The following SLC44A5 variants were observed in gnomAD, a reference collection of about 807,000 sequenced individuals.
SLC44A5 encodes solute carrier family 44 member 5.
A neutral mutation model predicts 101.8 loss-of-function variants in SLC44A5; 57 were observed. The ratio of observed to expected loss-of-function variants is 0.56; its 90% CI spans 0.45 to 0.70. SLC44A5 has a LOEUF of 0.70. Ranked by LOEUF, SLC44A5 falls within the 30% of genes least tolerant of loss-of-function variation. The pLI, the probability that SLC44A5 is intolerant of heterozygous loss-of-function variation, is 0.00. For synonymous variants in SLC44A5, 281 were observed against 290.9 expected (o/e 0.97, Z 0.35); for missense variants, 737 against 853.1 (o/e 0.86, Z 1.70).
chr1:75,318,672 C>T (rs899734918), intron 4 of SLC44A5, among the ~76,000 whole-genome samples: 3 of 152,150 alleles, frequency 2.0e-5, no homozygotes, highest in Non-Finnish European at 4.4e-5. Context: ...GCCAGGTTAA[C>T]TTACATTGTC....
At chr1:75,664,945 A>AAT in the SLC44A5 span, among the ~76,000 whole-genome samples, 3 of 148,178 alleles carry the variant, frequency 2.0e-5, no homozygotes, top group South Asian at 6.3e-4. Flanking sequence ...AAAAAAAAAA[A>AAT]GAAATCACAG....
chr1:75,700,240 G>A, the SLC44A5 span, among the ~76,000 whole-genome samples: 1 of 152,050 alleles, frequency 6.6e-6, no homozygotes, highest in Non-Finnish European at 1.5e-5. Context: ...TTCCAAAATT[G>A]ACCACATACT....
intron 7 of SLC44A5, among the ~76,000 whole-genome samples, chr1:75,246,561 T>C (rs1276672587): frequency 1.3e-5 from 2 of 151,508 alleles, no homozygotes; most frequent in Non-Finnish European, 3.0e-5. Context: ...TAAGAAATAA[T>C]AAATAAGTAA....
chr1:75,245,810 C>G (rs1004111953), intron 7 of SLC44A5, among the ~76,000 whole-genome samples: 2 of 152,132 alleles, frequency 1.3e-5, no homozygotes, highest in Non-Finnish European at 2.9e-5. Context: ...TACTTTCTCC[C>G]TCTATCAGAC....
chr1:75,474,967 C>G (rs989134362), intron 2 of SLC44A5, among the ~76,000 whole-genome samples: 1 of 152,246 alleles, frequency 6.6e-6, no homozygotes, highest in South Asian at 2.1e-4. Context: ...AGAGCAGCAA[C>G]AATTCAACTG....
At chr1:75,315,182 T>A (rs1655599135) in intron 4 of SLC44A5, among the ~76,000 whole-genome samples, 2 of 152,264 alleles carry the variant, frequency 1.3e-5, no homozygotes, top group South Asian at 4.1e-4. Context: ...TTTATGTGTG[T>A]TTTAAAAAGA....
At chr1:75,556,608 G>A (rs1197416980) in intron 1 of SLC44A5, among the ~76,000 whole-genome samples, 2 of 152,042 alleles carry the variant, frequency 1.3e-5, no homozygotes, top group Non-Finnish European at 2.9e-5. Context: ...AGGAAACTGA[G>A]GACATAGAGT....
chr1:75,639,613 C>T, the SLC44A5 span, among the ~76,000 whole-genome samples: 1 of 152,112 alleles, frequency 6.6e-6, no homozygotes, highest in Admixed American at 6.6e-5. Flanking sequence ...TGCTCACTTC[C>T]CCAGTGCATG....
chr1:75,559,131 C>A (rs1672377852), intron 1 of SLC44A5, among the ~76,000 whole-genome samples: 3 of 151,738 alleles, frequency 2.0e-5, no homozygotes, highest in Admixed American at 1.3e-4. Flanking sequence ...GTTTGTATAT[C>A]TATATATACA....
intron 9 of SLC44A5, among the ~76,000 whole-genome samples, chr1:75,239,576 C>G (rs1234192772): frequency 6.6e-6 from 1 of 152,026 alleles, no homozygotes; most frequent in Non-Finnish European, 1.5e-5. Flanking sequence ...CTCTGCTGCA[C>G]TTAGGACGTG....
intron 7 of SLC44A5, among the ~76,000 whole-genome samples, chr1:75,247,675 G>A (rs1198060099): frequency 6.6e-6 from 1 of 152,070 alleles, no homozygotes; most frequent in East Asian, 1.9e-4. Context: ...AGAGAGTTGG[G>A]AGGAAATATA....
At chr1:75,335,243 C>T (rs1249659) in intron 4 of SLC44A5, among the ~76,000 whole-genome samples, 80,224 of 152,040 alleles carry the variant, frequency 0.53, 22,774 homozygotes, top group East Asian at 0.85. Flanking sequence ...AATATTGATT[C>T]TGTCATGCCC....
the SLC44A5 span, among the ~76,000 whole-genome samples, chr1:75,650,677 C>G: frequency 6.6e-6 from 1 of 152,222 alleles, no homozygotes; most frequent in Non-Finnish European, 1.5e-5. Context: ...GGCTGGAGTG[C>G]AGTGACACAA....
At chr1:75,701,341 G>A in the SLC44A5 span, among the ~76,000 whole-genome samples, 38 of 152,302 alleles carry the variant, frequency 2.5e-4, no homozygotes, top group African/African-American at 8.4e-4. Context: ...GGGATGTGAG[G>A]CTGGTTCAAC....
chr1:75,432,920 C>T (rs994983115), intron 2 of SLC44A5, among the ~76,000 whole-genome samples: 105 of 152,088 alleles, frequency 6.9e-4, no homozygotes, highest in Non-Finnish European at 1.3e-3. Flanking sequence ...CACCCTTTTC[C>T]CCACCCACCC....
intron 2 of SLC44A5, among the ~76,000 whole-genome samples, chr1:75,431,598 G>C (rs1664614864): frequency 6.6e-6 from 1 of 152,196 alleles, no homozygotes. Context: ...GCATTTAATA[G>C]TCTAGTGGCG....
At chr1:75,325,568 C>T (rs1430611067) in intron 4 of SLC44A5, among the ~76,000 whole-genome samples, 1 of 152,014 alleles carries the variant, frequency 6.6e-6, no homozygotes, top group African/African-American at 2.4e-5. Context: ...TTTTGAGAGA[C>T]AATGAGAGAG....
chr1:75,268,116 C>T (rs1307237102), intron 6 of SLC44A5, among the ~76,000 whole-genome samples: 3 of 152,190 alleles, frequency 2.0e-5, no homozygotes, highest in Admixed American at 1.3e-4. Flanking sequence ...GACATCTCCT[C>T]ATTCCACCAC....
At chr1:75,227,881 A>T in intron 12 of SLC44A5, 24 bp from the exon 13 acceptor site, 1 of 1,557,812 alleles carries the variant, frequency 6.4e-7, no homozygotes, top group South Asian at 1.2e-5. Flanking sequence ...GAAAAACAGA[A>T]TAATATAAAA....
Sources: gnomAD v4.1 joint callset for allele counts (sites outside exome capture counted in the v4.1 genomes callset) on GRCh38, gnomAD v4.1.1 for gene constraint, MANE v1.5 for transcripts, NCBI Gene and HGNC (gene_info 2026-07-23, HGNC 2026-07-21) for gene names.